Variants in ZMYM4 observed in about 807,000 individuals in gnomAD.
The protein encoded by ZMYM4 is zinc finger MYM-type protein 4.
In ZMYM4, 31 loss-of-function variants were observed where a neutral mutation model predicts 183.2. That is an observed-to-expected ratio of 0.17 (90% confidence interval 0.13 to 0.23). The LOEUF (loss-of-function observed/expected upper bound fraction) is 0.23. ZMYM4 is among the 10% of genes least tolerant of loss of function. The pLI is 1.00. For missense variants in ZMYM4, 1,273 were observed against 1,840.3 expected (o/e 0.69, Z 5.64); for synonymous variants, 592 against 631.2 (o/e 0.94, Z 0.93).
chr1:35,276,446 G>A (rs750083235), intron 1 of ZMYM4, among the ~76,000 whole-genome samples: 4 of 152,074 alleles, frequency 2.6e-5, no homozygotes, highest in South Asian at 2.1e-4. Flanking sequence ...ATACTGTTAC[G>A]ACCTAACAAA....
intron 26 of ZMYM4, among the ~76,000 whole-genome samples, chr1:35,411,236 C>T (rs1344381909): frequency 2.0e-5 from 3 of 148,356 alleles, no homozygotes; most frequent in Non-Finnish European, 4.5e-5. Flanking sequence ...TCACTGCAAG[C>T]TCCGCCTCCC....
chr1:35,372,393 C>T (rs1644232885), intron 7 of ZMYM4, among the ~76,000 whole-genome samples: 1 of 152,006 alleles, frequency 6.6e-6, no homozygotes, highest in Non-Finnish European at 1.5e-5. Context: ...GGAAAGGTGT[C>T]AGGGAATGTT....
At chr1:35,419,335 A>G in intron 29 of ZMYM4, 135 bp from the exon 30 acceptor site, 1 of 865,056 alleles carries the variant, frequency 1.2e-6, no homozygotes, top group South Asian at 1.8e-5. Flanking sequence ...GTGCAAAAAT[A>G]ATTGCAGTTT....
chr1:35,381,237 G>C, intron 7 of ZMYM4, 22 bp from the exon 8 acceptor site: 1 of 1,550,142 alleles, frequency 6.5e-7, no homozygotes, highest in East Asian at 2.3e-5. Flanking sequence ...CATGGCTTAT[G>C]TTATTTTTTT....
At position 35,365,092 on chromosome 1, in the gene ZMYM4, G is replaced by A. The variant is rs527250040; in HGVS notation, c.840+3303G>A. ...TTACAGATGCTTTTACACGTACTGTGTTGCTTAATTCGCCTAACAACCCTG... is the reference window on the plus strand; with the variant it reads ...TTACAGATGCTTTTACACGTACTGTATTGCTTAATTCGCCTAACAACCCTG... On this transcript the variant is annotated intron_variant, in intron 5 of 29. Transcript: ENST00000314607. 8.5e-5 allele frequency among the ~76,000 whole-genome samples: 13 copies of A among 152,222 alleles called. No individual in the cohort carries two copies. In the South Asian group the frequency reaches 2.7e-3, roughly 32 times the overall value.
At chr1:35,319,072 GT>G (rs1642176112) in intron 1 of ZMYM4, among the ~76,000 whole-genome samples, 1 of 152,004 alleles carries the variant, frequency 6.6e-6, no homozygotes, top group African/African-American at 2.4e-5. Flanking sequence ...TAGAGACAGG[GT>G]TTCTCTATGT....
chr1:35,350,914 A>C, intron 2 of ZMYM4: 1 of 642,930 alleles, frequency 1.6e-6, no homozygotes, highest in South Asian at 1.8e-5. Flanking sequence ...CAGATTGCTT[A>C]TGCCCTTATA....
At chr1:35,326,683 T>C (rs796758683) in intron 2 of ZMYM4, among the ~76,000 whole-genome samples, 19 of 152,304 alleles carry the variant, frequency 1.2e-4, no homozygotes, top group African/African-American at 4.6e-4. Context: ...CATCACAGTG[T>C]GCTTCACACA....
chr1:35,285,479 T>C (rs924650316), intron 1 of ZMYM4, among the ~76,000 whole-genome samples: 3 of 152,122 alleles, frequency 2.0e-5, no homozygotes, highest in Non-Finnish European at 4.4e-5. Flanking sequence ...CACTACAGTC[T>C]GTCCTTTGTA....
rs879292587 is a variant in ZMYM4 at position 35,421,157 on chromosome 1, G to T, written c.*1480G>T. 3 of 152,750 alleles carry T rather than the reference G, an allele frequency of 2.0e-5. No homozygotes were observed. The highest frequency in any genetic ancestry group is 4.4e-5 in the Non-Finnish European group (3 of 68,032). 9.5% of individuals were successfully genotyped at this position (152,750 alleles called of 1,614,324 possible). On this transcript the variant is annotated 3_prime_UTR_variant, in exon 30 of 30. Coordinates refer to ENST00000314607, the MANE Select transcript of ZMYM4 (RefSeq NM_005095.3). Reference sequence around the variant, plus strand: ...AGGGTATCTCATTTTTTAGGTGGGGGTGGCAGGTGTATTTCTTTTTTAACA... The same window carrying T: ...AGGGTATCTCATTTTTTAGGTGGGGTTGGCAGGTGTATTTCTTTTTTAACA...
chr1:35,368,705 A>G (rs1053335520), intron 5 of ZMYM4, among the ~76,000 whole-genome samples: 2 of 152,172 alleles, frequency 1.3e-5, no homozygotes, highest in South Asian at 2.1e-4. Flanking sequence ...CTTAGGAGAT[A>G]ATCCTAAATA....
intron 9 of ZMYM4, among the ~76,000 whole-genome samples, chr1:35,382,160 A>C (rs1487699217): frequency 1.9e-4 from 28 of 145,592 alleles, no homozygotes; most frequent in African/African-American, 7.4e-4. Context: ...AAAAAAAAAC[A>C]AAAATGTATA....
chr1:35,299,143 C>T (rs1330227809), intron 1 of ZMYM4, among the ~76,000 whole-genome samples: 1 of 151,198 alleles, frequency 6.6e-6, no homozygotes, highest in Non-Finnish European at 1.5e-5. Flanking sequence ...GCTGGGATTA[C>T]AGGTATGCAC....
intron 29 of ZMYM4, among the ~76,000 whole-genome samples, chr1:35,418,823 T>A (rs1640223358): frequency 6.6e-6 from 1 of 152,236 alleles, no homozygotes; most frequent in Non-Finnish European, 1.5e-5. Context: ...ACAACTGTTG[T>A]ACAACCTTTA....
At position 35,370,535 on chromosome 1, in the gene ZMYM4, A is replaced by C. The variant is rs1314623684; in HGVS notation, c.1089A>C (p.Leu363=). 6.2e-7 allele frequency: 1 copy of C among 1,613,598 alleles called. No individual in the cohort carries two copies. The highest frequency in any genetic ancestry group is 2.2e-5 in the East Asian group (1 of 44,848). ...ATCAGAGGAAAGGGTCTACTCAGCTATTCTGCTCCACACTGTGCCTCACTG... is the reference window on the plus strand; with the variant it reads ...ATCAGAGGAAAGGGTCTACTCAGCTCTTCTGCTCCACACTGTGCCTCACTG... ...TAYQRKGSTQ[L]FCSTLCLTGY... Residue 363 remains leucine (L), a synonymous_variant, in exon 7 of 30, where the codon CTA becomes CTC. Transcript: ENST00000314607.
intron 2 of ZMYM4, among the ~76,000 whole-genome samples, chr1:35,326,958 C>T (rs1292156114): frequency 6.6e-6 from 1 of 152,150 alleles, no homozygotes; most frequent in Non-Finnish European, 1.5e-5. Flanking sequence ...CTCACAGGTT[C>T]AAGTGATTCT....
intron 2 of ZMYM4, among the ~76,000 whole-genome samples, chr1:35,352,386 G>GCGCACACACACA (rs1231646476): frequency 3.7e-4 from 48 of 128,472 alleles, no homozygotes; most frequent in African/African-American, 1.2e-3. Context: ...AAAAATTAGC[G>GCGCACACACACA]CACACACACA....
chr1:35,380,473 A>G (rs6694334), intron 7 of ZMYM4, among the ~76,000 whole-genome samples: 18,164 of 152,070 alleles, frequency 0.12, 2,608 homozygotes, highest in East Asian at 0.68. Context: ...GACTACAGGC[A>G]CATGCCGCCA....
At chr1:35,395,072 AT>A (rs1644783848) in intron 18 of ZMYM4, among the ~76,000 whole-genome samples, 1 of 152,160 alleles carries the variant, frequency 6.6e-6, no homozygotes, top group Non-Finnish European at 1.5e-5. Context: ...TTATCCAGGA[AT>A]TTTACTAAGT....
Sources: allele counts gnomAD v4.1 joint callset (sites outside exome capture counted in the v4.1 genomes callset), GRCh38; gene constraint gnomAD v4.1.1; transcripts MANE v1.5; gene names NCBI Gene and HGNC (gene_info 2026-07-23, HGNC 2026-07-21).